The following CALY variants were observed in gnomAD, a reference collection of about 807,000 sequenced individuals.
CALY encodes calcyon neuron specific vesicular protein, also known as neuron-specific vesicular protein calcyon.
Under a neutral mutation model 20.2 loss-of-function variants are expected in CALY, and 15 were observed. The ratio of observed to expected loss-of-function variants is 0.74; its 90% CI spans 0.50 to 1.14. The LOEUF is 1.14. Among genes scored for constraint, CALY ranks in the 50% most tolerant of loss-of-function variants. CALY has a pLI of 0.00. For missense variants in CALY, 270 were observed against 304.4 expected (o/e 0.89, Z 0.84); for synonymous variants, 129 against 131.8 (o/e 0.98, Z 0.15).
chr10:133,335,619 G>A (rs1192744054), intron 1 of CALY, among the ~76,000 whole-genome samples: 1 of 152,188 alleles, frequency 6.6e-6, no homozygotes, highest in East Asian at 1.9e-4. Flanking sequence ...TGTGTGTGGG[G>A]TCCAACCCCC....
rs185730362 is a variant in CALY at position 133,327,078 on chromosome 10, C to T, written c.247-87G>A. The T allele has an allele frequency of 2.8e-3, 2,408 of 873,784 alleles. 15 individuals carry two copies. Among genetic ancestry groups the T allele is most frequent in the Middle Eastern group, 8.1e-3 (29 of 3,596 alleles). The allele number at this position is 873,784 out of a possible 1,614,324, so 54.1% of individuals were successfully genotyped here. A position where few individuals can be genotyped will look rare whatever the true frequency, so the allele number is the denominator to read the frequency against. On this transcript the variant is annotated intron_variant, in intron 3 of 5. Transcript: ENST00000252939. The stretch of plus-strand genomic sequence containing the variant: ...CCTCAGGGGCTGGGCTGGCACAGGA[C>T]CATCCCCGCCCTCCAGTCTTGATGC...
intron 1 of CALY, among the ~76,000 whole-genome samples, chr10:133,333,869 G>C (rs1006921031): frequency 9.9e-5 from 2 of 20,202 alleles, no homozygotes; most frequent in Admixed American, 4.1e-4. Context: ...AGGATCTGAG[G>C]GGGGAAGGCT....
intron 3 of CALY, chr10:133,327,279 C>A (rs1848229977): frequency 2.0e-6 from 1 of 505,628 alleles, no homozygotes; most frequent in African/African-American, 1.9e-5. Context: ...CAGGAATTTG[C>A]AGTTTTCCTG....
intron 1 of CALY, among the ~76,000 whole-genome samples, chr10:133,336,367 C>CACCCCCA (rs1302328753): frequency 6.6e-6 from 1 of 152,062 alleles, no homozygotes; most frequent in African/African-American, 2.4e-5. Context: ...GCCCACCGCC[C>CACCCCCA]ACCCCCAACC....
At chr10:133,333,392 G>A (rs1221350620) in intron 1 of CALY, among the ~76,000 whole-genome samples, 1 of 143,752 alleles carries the variant, frequency 7.0e-6, no homozygotes, top group Non-Finnish European at 1.5e-5. Flanking sequence ...GGAGGGATCC[G>A]AGCGGAGGGG....
At chr10:133,335,346 C>A (rs1407588508) in intron 1 of CALY, among the ~76,000 whole-genome samples, 1 of 152,180 alleles carries the variant, frequency 6.6e-6, no homozygotes, top group African/African-American at 2.4e-5. Flanking sequence ...GGAGGGCCCG[C>A]GCCAGGAGTC....
intron 3 of CALY, chr10:133,327,687 T>C: frequency 1.6e-6 from 1 of 644,042 alleles, no homozygotes; most frequent in South Asian, 1.7e-5. Context: ...GGAGCGCCAC[T>C]GTTTGGTCAG....
intron 1 of CALY, among the ~76,000 whole-genome samples, chr10:133,333,438 A>G (rs1356582231): frequency 7.1e-6 from 1 of 140,374 alleles, no homozygotes; most frequent in African/African-American, 2.7e-5. Flanking sequence ...AAGGGACCCC[A>G]ACGGGGTGCG....
intron 3 of CALY, chr10:133,327,350 A>G: frequency 2.0e-6 from 1 of 489,706 alleles, no homozygotes; most frequent in Non-Finnish European, 3.6e-6. Flanking sequence ...TGCACTCACC[A>G]GGCCTCCCAG....
At chr10:133,327,763 C>T (rs762812097) in intron 3 of CALY, 142 bp downstream of exon 3, 18 of 721,822 alleles carry the variant, frequency 2.5e-5, no homozygotes, top group African/African-American at 5.2e-5. Context: ...CAGCTCTGGG[C>T]GGGATGACTC....
chr10:133,326,913 C>G lies in CALY; in HGVS notation c.325G>C (p.Asp109His). The change falls in exon 4 of 6, where the codon GAC becomes CAC. Residue 109 changes from aspartate to histidine, a missense_variant. Asp to His is a moderately conservative substitution (Grantham distance 81). Coordinates refer to ENST00000252939, the MANE Select transcript of CALY (RefSeq NM_015722.4). ...AAGCCGTCGGGGCAGGTGAACTGGT[C>G]GTACCAGATGGCCTTGTACATGATC... ...VLIMYKAIWY[D>H]QFTCPDGFLL... The G allele has an allele frequency of 6.2e-7, 1 of 1,610,432 alleles. No homozygotes were observed. The highest frequency in any genetic ancestry group is 8.5e-7 in the Non-Finnish European group (1 of 1,179,182).
chr10:133,332,705 G>T (rs1036583981), intron 1 of CALY, among the ~76,000 whole-genome samples: 3 of 152,176 alleles, frequency 2.0e-5, no homozygotes, highest in African/African-American at 7.2e-5. Context: ...TGAAAATAGG[G>T]TCTTTGCAGA....
Position 133,327,001 on chromosome 10 carries a change from G to C in CALY, c.247-10C>G, listed in dbSNP as rs746135156. 4 of 1,579,062 alleles carry C rather than the reference G, an allele frequency of 2.5e-6. No individual in the cohort carries two copies. In the African/African-American group the frequency reaches 5.4e-5, roughly 21 times the overall value. ...TCCGTGCGGTGGGCAGCTGGCAGGA[G>C]GGCAGAGAGGGGCTCAGCCACGCCA... On this transcript the variant is annotated splice_polypyrimidine_tract_variant and intron_variant, in intron 3 of 5. Coordinates refer to ENST00000252939, the MANE Select transcript of CALY (RefSeq NM_015722.4).
intron 1 of CALY, among the ~76,000 whole-genome samples, chr10:133,335,363 C>T (rs1021218004): frequency 9.2e-5 from 14 of 152,172 alleles, no homozygotes; most frequent in Admixed American, 2.0e-4. Flanking sequence ...AGTCTCCGCC[C>T]GAACCCCCGC....
intron 1 of CALY, among the ~76,000 whole-genome samples, chr10:133,333,337 G>C (rs1489744545): frequency 2.6e-5 from 3 of 114,754 alleles, no homozygotes; most frequent in African/African-American, 9.7e-5. Context: ...CAAGGACAGA[G>C]GGACCCAACG....
At chr10:133,327,647 C>G (rs746366307) in intron 3 of CALY, 1 of 611,328 alleles carries the variant, frequency 1.6e-6, no homozygotes, top group Non-Finnish European at 2.9e-6. Flanking sequence ...GCAGCACTCG[C>G]GGGCACTTCC....
chr10:133,326,171 C>A (rs765647667), intron 4 of CALY, 51 bp from the exon 5 acceptor site: 2 of 1,573,520 alleles, frequency 1.3e-6, no homozygotes, highest in African/African-American at 2.7e-5. Flanking sequence ...TCCTGTGCGC[C>A]CCGGGCCCAG....
Position 133,328,919 on chromosome 10 carries a change from A to AT in CALY, c.70dup (p.Met24AsnfsTer21). On this transcript the variant is annotated frameshift_variant, in exon 2 of 6. Coordinates refer to ENST00000252939, the MANE Select transcript of CALY (RefSeq NM_015722.4). LOFTEE classifies it high-confidence loss of function. ...GGGGCTGATCAGAGGCACACTGTCC[A>AT]TGGCAGCCCCATCCTGGTCCCCAGG... The AT allele has an allele frequency of 6.4e-7, 1 of 1,556,608 alleles. No homozygotes were observed. The highest frequency in any genetic ancestry group is 8.7e-7 in the Non-Finnish European group (1 of 1,149,998).
rs550189188 is a variant in CALY, at chr10:133,330,067, C to T, written c.-20-1058G>A. Among the ~76,000 whole-genome samples, 4 of 152,366 alleles carry T rather than the reference C, an allele frequency of 2.6e-5. 1 individual carries two copies. In the South Asian group the frequency reaches 8.3e-4, roughly 32 times the overall value. On this transcript the variant is annotated intron_variant, in intron 1 of 5. Coordinates refer to ENST00000252939, the MANE Select transcript of CALY (RefSeq NM_015722.4). ...GAGAAGCCGAGGGTGCCCGGCTTCG[C>T]CTTCAGGCGGACCTTCTAGAGAAAA...
Sources: allele counts gnomAD v4.1 joint callset (sites outside exome capture counted in the v4.1 genomes callset), GRCh38; gene constraint gnomAD v4.1.1; transcripts MANE v1.5; gene names NCBI Gene and HGNC (gene_info 2026-07-23, HGNC 2026-07-21).